The following EXOC6B variants were observed in gnomAD, a reference collection of about 807,000 sequenced individuals.
EXOC6B encodes the protein exocyst complex component 6B.
EXOC6B carries 54 observed loss-of-function variants against 113.5 expected under a neutral mutation model. That is an observed-to-expected ratio of 0.48 (90% confidence interval 0.38 to 0.60). The LOEUF is 0.60. Among genes scored for constraint, EXOC6B ranks in the 20% least tolerant of loss-of-function variants. The pLI is 0.00. For missense variants in EXOC6B, 797 were observed against 977.5 expected (o/e 0.82, Z 2.46); for synonymous variants, 357 against 339.0 (o/e 1.05, Z -0.58).
At chr2:72,545,639 G>A (rs1454822743) in intron 8 of EXOC6B, among the ~76,000 whole-genome samples, 1 of 152,110 alleles carries the variant, frequency 6.6e-6, no homozygotes, top group Non-Finnish European at 1.5e-5. Context: ...TTTATTTAAT[G>A]TAGTCAAGTT....
chr2:72,580,750 T>C (rs1192729672), intron 6 of EXOC6B, among the ~76,000 whole-genome samples: 4 of 152,164 alleles, frequency 2.6e-5, no homozygotes, highest in African/African-American at 9.7e-5. Flanking sequence ...CTAGGACTTT[T>C]CTAATACCAG....
At position 72,582,448 on chromosome 2, in the gene EXOC6B, C is replaced by T. The variant is rs568560944; in HGVS notation, c.670-6780G>A. Among the ~76,000 whole-genome samples the T allele has an allele frequency of 7.9e-5, 12 of 152,072 alleles. No homozygotes were observed. In the South Asian group the frequency reaches 1.7e-3, roughly 21 times the overall value. ...GGGAGGATCACTTAATTTCAGGAGG[C>T]GGAGGTTGCAGTAAGATGAGATCAT... On this transcript the variant is annotated intron_variant, in intron 6 of 21. Transcript: ENST00000272427.
intron 7 of EXOC6B, among the ~76,000 whole-genome samples, chr2:72,561,024 T>C (rs2103708349): frequency 6.6e-6 from 1 of 152,208 alleles, no homozygotes; most frequent in African/African-American, 2.4e-5. Context: ...GTGATCATTT[T>C]AGGCACCCTT....
chr2:72,576,163 G>T (rs148986914), intron 6 of EXOC6B, among the ~76,000 whole-genome samples: 2,368 of 152,226 alleles, frequency 0.016, 84 homozygotes, highest in African/African-American at 0.055. Flanking sequence ...GTTAAAAACA[G>T]TTATGTGGAT....
Position 72,432,123 on chromosome 2 carries a change from G to A in EXOC6B, c.1980+33037C>T, listed in dbSNP as rs141405542. Among the ~76,000 whole-genome samples the A allele has an allele frequency of 2.2e-3, 326 of 151,018 alleles. 2 individuals are homozygous for A. Among genetic ancestry groups the A allele is most frequent in the Non-Finnish European group, 3.8e-3 (257 of 67,850 alleles). ...ACAATCTCAGCTCACTGCAACCTCC[G>A]TCTCCCAGGTTCAAGCGATTCCCCT... is the stretch of plus-strand genomic sequence containing the variant. On this transcript the variant is annotated intron_variant, in intron 18 of 21. Transcript: ENST00000272427.
chr2:72,558,134 A>G (rs1703668291), intron 8 of EXOC6B, among the ~76,000 whole-genome samples: 2 of 152,184 alleles, frequency 1.3e-5, no homozygotes, highest in African/African-American at 4.8e-5. Context: ...TAGTATGGAC[A>G]TTTAAACCTG....
intron 20 of EXOC6B, among the ~76,000 whole-genome samples, chr2:72,318,332 A>G (rs968900699): frequency 2.0e-5 from 3 of 151,970 alleles, no homozygotes; most frequent in African/African-American, 7.3e-5. Context: ...CCTCCTCCAA[A>G]CTCATACAGT....
chr2:72,408,668 GA>G (rs1442661781), intron 18 of EXOC6B, among the ~76,000 whole-genome samples: 3 of 152,186 alleles, frequency 2.0e-5, no homozygotes, highest in Non-Finnish European at 2.9e-5. Context: ...GCCATATGTA[GA>G]AAGCTGAAAC....
chr2:72,480,202 TAA>T (rs57087043), intron 17 of EXOC6B, among the ~76,000 whole-genome samples: 41 of 145,004 alleles, frequency 2.8e-4, no homozygotes, highest in African/African-American at 5.2e-4. Flanking sequence ...AGATTTGATT[TAA>T]AAAAAAAAAA....
intron 1 of EXOC6B, among the ~76,000 whole-genome samples, chr2:72,808,090 C>T (rs1044188970): frequency 2.0e-5 from 3 of 151,968 alleles, no homozygotes; most frequent in East Asian, 1.9e-4. Flanking sequence ...CCTACTATGG[C>T]TACAGTAAGT....
chr2:72,470,432 T>A (rs2105442425), intron 17 of EXOC6B, among the ~76,000 whole-genome samples: 1 of 152,266 alleles, frequency 6.6e-6, no homozygotes, highest in South Asian at 2.1e-4. Context: ...TGATTTTATA[T>A]CCTGCAACTT....
At chr2:72,325,986 T>C (rs544736728) in intron 20 of EXOC6B, among the ~76,000 whole-genome samples, 1 of 152,224 alleles carries the variant, frequency 6.6e-6, no homozygotes, top group East Asian at 1.9e-4. Flanking sequence ...AACTGAACTA[T>C]GTCCTAGTTG....
intron 20 of EXOC6B, among the ~76,000 whole-genome samples, chr2:72,215,534 C>G (rs1573013250): frequency 6.6e-6 from 1 of 152,204 alleles, no homozygotes; most frequent in African/African-American, 2.4e-5. Context: ...ATTGCAGAAC[C>G]AACTAGACTG....
intron 18 of EXOC6B, among the ~76,000 whole-genome samples, chr2:72,427,438 C>T (rs1695265246): frequency 1.3e-5 from 2 of 152,308 alleles, no homozygotes; most frequent in African/African-American, 2.4e-5. Flanking sequence ...ATTACCTGGC[C>T]TCTCCCCACT....
At chr2:72,797,838 A>G (rs903517349) in intron 1 of EXOC6B, among the ~76,000 whole-genome samples, 4 of 142,962 alleles carry the variant, frequency 2.8e-5, no homozygotes, top group African/African-American at 1.0e-4. Flanking sequence ...TAATTAATTA[A>G]TAATAATAAT....
At chr2:72,390,971 T>C (rs1360540043) in intron 18 of EXOC6B, among the ~76,000 whole-genome samples, 2 of 152,222 alleles carry the variant, frequency 1.3e-5, no homozygotes, top group Non-Finnish European at 2.9e-5. Context: ...AAAACTCTTT[T>C]TCATTTCCAA....
intron 6 of EXOC6B, among the ~76,000 whole-genome samples, chr2:72,625,241 A>G (rs953253808): frequency 1.3e-5 from 2 of 151,166 alleles, no homozygotes; most frequent in African/African-American, 4.9e-5. Context: ...ACATATATAT[A>G]TGAATATATA....
At chr2:72,276,464 T>C (rs1458688506) in intron 20 of EXOC6B, among the ~76,000 whole-genome samples, 4 of 151,962 alleles carry the variant, frequency 2.6e-5, no homozygotes, top group Non-Finnish European at 5.9e-5. Context: ...ATGAGAGGAG[T>C]CATTTCAGAT....
intron 18 of EXOC6B, among the ~76,000 whole-genome samples, chr2:72,458,538 G>C (rs530438152): frequency 5.3e-5 from 8 of 152,220 alleles, no homozygotes; most frequent in South Asian, 2.1e-4. Context: ...GAGGACTTAA[G>C]CCTGTCAGTT....
Sources: gnomAD v4.1 joint callset for allele counts (sites outside exome capture counted in the v4.1 genomes callset) on GRCh38, gnomAD v4.1.1 for gene constraint, MANE v1.5 for transcripts, NCBI Gene and HGNC (gene_info 2026-07-23, HGNC 2026-07-21) for gene names.